The following VPS53 variants were observed in gnomAD, a reference collection of about 807,000 sequenced individuals.
The protein encoded by VPS53 is vacuolar protein sorting-associated protein 53 homolog.
VPS53 carries 70 observed loss-of-function variants against 107.0 expected under a neutral mutation model. The ratio of observed to expected loss-of-function variants is 0.65; its 90% confidence interval spans 0.54 to 0.80. VPS53 has a LOEUF of 0.80. Among genes scored for constraint, VPS53 ranks in the 30% least tolerant of loss-of-function variants. The pLI is 0.00. For missense variants in VPS53, 917 were observed against 1,049.4 expected, an observed-to-expected ratio of 0.87 and a Z score of 1.74; for synonymous variants, 409 against 393.3, an observed-to-expected ratio of 1.04 and a Z score of -0.47.
At chr17:669,077 G>A (rs1971825279) in intron 4 of VPS53, among the ~76,000 whole-genome samples, 2 of 152,166 alleles carry the variant, frequency 1.3e-5, no homozygotes, top group Admixed American at 6.5e-5. Context: ...TGAAGCACTG[G>A]TGCTATCAGG....
chr17:713,325 C>T (rs1483173768), intron 1 of VPS53, among the ~76,000 whole-genome samples: 2 of 152,064 alleles, frequency 1.3e-5, no homozygotes, highest in Non-Finnish European at 2.9e-5. Flanking sequence ...AGATTTTCTC[C>T]GTTTATCAGG....
chr17:663,585 C>T (rs917509274), intron 4 of VPS53, among the ~76,000 whole-genome samples: 11 of 152,214 alleles, frequency 7.2e-5, no homozygotes, highest in African/African-American at 2.4e-4. Flanking sequence ...ACTGGACCGT[C>T]CGTGAGTAAA....
chr17:576,247 C>T (rs1377296499), intron 13 of VPS53, among the ~76,000 whole-genome samples: 1 of 149,918 alleles, frequency 6.7e-6, no homozygotes, highest in Non-Finnish European at 1.5e-5. Context: ...TGTTCCCAGA[C>T]AATCTGCCTC....
At chr17:557,180 A>C (rs1239920863) in intron 15 of VPS53, among the ~76,000 whole-genome samples, 7 of 152,104 alleles carry the variant, frequency 4.6e-5, no homozygotes, top group Non-Finnish European at 8.8e-5. Flanking sequence ...GGAAAAAACT[A>C]TTTACACCTC....
chr17:616,463 T>G (rs77740684), intron 11 of VPS53: 15,172 of 152,298 alleles, frequency 0.1, 836 homozygotes, highest in East Asian at 0.21. Flanking sequence ...ATTTCAAATA[T>G]GAAAACCAAA....
intron 19 of VPS53, among the ~76,000 whole-genome samples, chr17:525,974 G>C (rs2151798590): frequency 8.0e-6 from 1 of 125,318 alleles, no homozygotes; most frequent in African/African-American, 3.1e-5. Context: ...TCCAGACTGG[G>C]CAACACGGTG....
At chr17:532,414 C>T (rs1909664647) in intron 19 of VPS53, 2 of 160,596 alleles carry the variant, frequency 1.2e-5, no homozygotes, top group Admixed American at 1.2e-4. Context: ...AGCCTGCCCC[C>T]ATGCCCAGCT....
intron 18 of VPS53, among the ~76,000 whole-genome samples, chr17:533,587 C>A (rs1466559577): frequency 6.6e-6 from 1 of 152,232 alleles, no homozygotes; most frequent in Non-Finnish European, 1.5e-5. Flanking sequence ...ACACACGCAC[C>A]TCTCAGATCC....
At chr17:657,770 T>G (rs1237508920) in intron 5 of VPS53, among the ~76,000 whole-genome samples, 1 of 151,970 alleles carries the variant, frequency 6.6e-6, no homozygotes, top group Non-Finnish European at 1.5e-5. Context: ...GTGAGAAACT[T>G]GGCCGTGAGT....
intron 4 of VPS53, among the ~76,000 whole-genome samples, chr17:667,743 T>TGGGCCGTGGGCCAGCACC (rs1356109606): frequency 6.6e-6 from 1 of 151,846 alleles, no homozygotes; most frequent in African/African-American, 2.4e-5. Flanking sequence ...CCCCAAGCCC[T>TGGGCCGTGGGCCAGCACC]GGGCCGTGGG....
chr17:610,149 A>T (rs1317060695), intron 11 of VPS53, among the ~76,000 whole-genome samples: 1 of 134,336 alleles, frequency 7.4e-6, no homozygotes, highest in Non-Finnish European at 1.6e-5. Context: ...ACACACACAC[A>T]CACACACACA....
intron 17 of VPS53, among the ~76,000 whole-genome samples, chr17:541,263 G>A (rs1448942657): frequency 6.6e-6 from 1 of 152,236 alleles, no homozygotes; most frequent in Admixed American, 6.5e-5. Flanking sequence ...CCTTCGGCAA[G>A]TGCAGCAGGG....
At chr17:671,058 C>T (rs1971917476) in intron 4 of VPS53, among the ~76,000 whole-genome samples, 2 of 152,012 alleles carry the variant, frequency 1.3e-5, no homozygotes, top group Non-Finnish European at 1.5e-5. Flanking sequence ...TGGTGAAACC[C>T]CGTCTCTTCT....
chr17:579,127 C>G (rs1252263663), intron 13 of VPS53, among the ~76,000 whole-genome samples: 1 of 150,394 alleles, frequency 6.6e-6, no homozygotes, highest in Non-Finnish European at 1.5e-5. Context: ...GAACATCCCT[C>G]AGAACCTAAT....
At chr17:594,870 A>G (rs377159434) in intron 12 of VPS53, among the ~76,000 whole-genome samples, 446 of 39,398 alleles carry the variant, frequency 0.011, no homozygotes, top group Middle Eastern at 0.096. Flanking sequence ...CAATTTCCTG[A>G]TTTGATGATG....
intron 7 of VPS53, among the ~76,000 whole-genome samples, chr17:645,562 T>C (rs1970652941): frequency 6.6e-6 from 1 of 152,254 alleles, no homozygotes; most frequent in African/African-American, 2.4e-5. Flanking sequence ...TTTGGTGTCA[T>C]ATCCAAGAAA....
At chr17:549,892 T>C (rs912702044) in intron 17 of VPS53, among the ~76,000 whole-genome samples, 1 of 152,232 alleles carries the variant, frequency 6.6e-6, no homozygotes, top group African/African-American at 2.4e-5. Context: ...CATCAGCTAT[T>C]TTAGGACTTG....
intron 16 of VPS53, chr17:552,426 G>T (rs1311389236): frequency 1.2e-5 from 1 of 80,396 alleles, no homozygotes; most frequent in Non-Finnish European, 2.1e-5. Flanking sequence ...GAAAGCTGAG[G>T]CCTGGCCCAT....
intron 19 of VPS53, among the ~76,000 whole-genome samples, chr17:522,308 G>A (rs1358807437): frequency 2.0e-5 from 3 of 152,182 alleles, no homozygotes; most frequent in Admixed American, 1.3e-4. Context: ...CATACTGTAT[G>A]TATATTCAAT....
Sources: gnomAD v4.1 joint callset for allele counts (sites outside exome capture counted in the v4.1 genomes callset) on GRCh38, gnomAD v4.1.1 for gene constraint, MANE v1.5 for transcripts, NCBI Gene and HGNC (gene_info 2026-07-23, HGNC 2026-07-21) for gene names.